Variants in IQGAP2 observed in about 807,000 individuals in gnomAD.
The protein encoded by IQGAP2 is ras GTPase-activating-like protein IQGAP2.
IQGAP2 carries 173 observed loss-of-function variants against 201.3 expected under a neutral mutation model. The observed-to-expected ratio is 0.86, with a 90% confidence interval of 0.76 to 0.98. The LOEUF (loss-of-function observed/expected upper bound fraction) is 0.98. IQGAP2 is among the 50% of genes least tolerant of loss of function. The pLI is 0.00. For synonymous variants in IQGAP2, 675 were observed against 673.9 expected, an observed-to-expected ratio of 1.00 and a Z score of -0.03; for missense variants, 1,687 against 1,864.8, an observed-to-expected ratio of 0.90 and a Z score of 1.76.
At chr5:76,427,084 G>C (rs574531874) in intron 1 of IQGAP2, among the ~76,000 whole-genome samples, 2 of 152,226 alleles carry the variant, frequency 1.3e-5, no homozygotes, top group African/African-American at 4.8e-5. Context: ...CTGATGTTTA[G>C]GACTGGACAA....
At position 76,502,836 on chromosome 5, in the gene IQGAP2, A is replaced by G. The variant is rs908273779; in HGVS notation, c.146+41167A>G. On this transcript the variant is annotated intron_variant, in intron 2 of 35. Coordinates refer to ENST00000274364, the MANE Select transcript of IQGAP2 (RefSeq NM_006633.5). ...CTGCAGCCTGGAATTCCTGGGCTCAAGTGATCCTCCCACCTCAGCCTCCCA... is the reference window on the plus strand; with the variant it reads ...CTGCAGCCTGGAATTCCTGGGCTCAGGTGATCCTCCCACCTCAGCCTCCCA... Among the ~76,000 whole-genome samples, 16 of 152,022 alleles carry G rather than the reference A, an allele frequency of 1.1e-4. 1 individual carries two copies. Among genetic ancestry groups the G allele is most frequent in the Admixed American group, 3.9e-4 (6 of 15,256 alleles).
chr5:76,562,290 C>T (rs1744430198), intron 2 of IQGAP2, 106 bp from the exon 3 acceptor site: 1 of 784,352 alleles, frequency 1.3e-6, no homozygotes, highest in Non-Finnish European at 2.0e-6. Context: ...TGTTTCAGAT[C>T]CTTCTTCCTT....
intron 2 of IQGAP2, among the ~76,000 whole-genome samples, chr5:76,533,289 A>T (rs1759423471): frequency 6.6e-6 from 1 of 152,064 alleles, no homozygotes; most frequent in Non-Finnish European, 1.5e-5. Flanking sequence ...TTGTTGGATG[A>T]TAGAGGGATG....
intron 30 of IQGAP2, among the ~76,000 whole-genome samples, chr5:76,689,243 A>AC (rs1436022607): frequency 6.0e-5 from 9 of 149,338 alleles, no homozygotes; most frequent in African/African-American, 1.9e-4. Context: ...AAAAAAAAAA[A>AC]AAAAAAAAAA....
At chr5:76,460,377 A>G (rs77048921) in intron 1 of IQGAP2, among the ~76,000 whole-genome samples, 6,787 of 152,256 alleles carry the variant, frequency 0.045, 191 homozygotes, top group South Asian at 0.12. Flanking sequence ...AGCTCTGGCT[A>G]AAGTGTGGGC....
chr5:76,416,823 G>A (rs1751433132), intron 1 of IQGAP2, among the ~76,000 whole-genome samples: 1 of 151,634 alleles, frequency 6.6e-6, no homozygotes, highest in Non-Finnish European at 1.5e-5. Flanking sequence ...AACACACCCG[G>A]CCTGAGCTCT....
chr5:76,676,245 T>TA (rs1744810931), intron 27 of IQGAP2, among the ~76,000 whole-genome samples: 1 of 152,244 alleles, frequency 6.6e-6, no homozygotes, highest in Non-Finnish European at 1.5e-5. Flanking sequence ...GAGCCTCTTC[T>TA]AAACTTGTCC....
intron 2 of IQGAP2, among the ~76,000 whole-genome samples, chr5:76,547,930 A>G (rs1339962151): frequency 1.3e-5 from 2 of 152,182 alleles, no homozygotes; most frequent in Non-Finnish European, 2.9e-5. Flanking sequence ...TGGATCTCAT[A>G]TGTTCAGATC....
At chr5:76,619,607 C>G (rs1201332547) in intron 13 of IQGAP2, among the ~76,000 whole-genome samples, 1 of 151,476 alleles carries the variant, frequency 6.6e-6, no homozygotes, top group East Asian at 1.9e-4. Flanking sequence ...ACCTCCGCCT[C>G]CCGGGTTCAC....
intron 5 of IQGAP2, among the ~76,000 whole-genome samples, chr5:76,577,189 T>G (rs1745527886): frequency 1.3e-5 from 2 of 150,666 alleles, no homozygotes; most frequent in Admixed American, 6.6e-5. Flanking sequence ...GGGACATTCA[T>G]GTTAAGGAGC....
intron 20 of IQGAP2, among the ~76,000 whole-genome samples, chr5:76,655,750 A>G (rs1377290858): frequency 1.3e-5 from 2 of 152,220 alleles, no homozygotes; most frequent in African/African-American, 4.8e-5. Flanking sequence ...AAAAATTTGT[A>G]GAAAGTTTGA....
At chr5:76,505,591 T>G (rs1561423163) in intron 2 of IQGAP2, among the ~76,000 whole-genome samples, 1 of 152,160 alleles carries the variant, frequency 6.6e-6, no homozygotes. Flanking sequence ...GTAACAAGCT[T>G]GGGGAGCTGT....
chr5:76,675,449 G>C (rs1225715712), intron 27 of IQGAP2, among the ~76,000 whole-genome samples: 1 of 152,282 alleles, frequency 6.6e-6, no homozygotes, highest in East Asian at 1.9e-4. Flanking sequence ...AATATGTTCT[G>C]TTCTATTCTC....
chr5:76,454,078 T>C (rs1753924309), intron 1 of IQGAP2, among the ~76,000 whole-genome samples: 1 of 152,078 alleles, frequency 6.6e-6, no homozygotes, highest in Non-Finnish European at 1.5e-5. Context: ...AGTAAGAGGT[T>C]TGGTTTCCAA....
chr5:76,608,312 A>G (rs1304957333), intron 12 of IQGAP2, among the ~76,000 whole-genome samples: 2 of 152,200 alleles, frequency 1.3e-5, no homozygotes, highest in Non-Finnish European at 2.9e-5. Context: ...GGTATTTCAG[A>G]CACTAATATT....
At chr5:76,463,165 A>G (rs2150127649) in intron 2 of IQGAP2, among the ~76,000 whole-genome samples, 1 of 151,768 alleles carries the variant, frequency 6.6e-6, no homozygotes, top group South Asian at 2.1e-4. Context: ...AAAGAAAAAG[A>G]AAAGAAAAAA....
At chr5:76,676,707 G>A (rs889865615) in intron 27 of IQGAP2, among the ~76,000 whole-genome samples, 12 of 152,136 alleles carry the variant, frequency 7.9e-5, no homozygotes, top group African/African-American at 2.7e-4. Context: ...GCAAATATTT[G>A]CAGCAACGAA....
At chr5:76,500,344 G>C (rs1026537318) in intron 2 of IQGAP2, among the ~76,000 whole-genome samples, 19 of 152,304 alleles carry the variant, frequency 1.2e-4, no homozygotes, top group Non-Finnish European at 8.8e-5. Context: ...GCTAGACTGT[G>C]TGGCTAAGCA....
At chr5:76,451,472 G>A (rs563173543) in intron 1 of IQGAP2, among the ~76,000 whole-genome samples, 55 of 152,034 alleles carry the variant, frequency 3.6e-4, no homozygotes, top group Admixed American at 9.2e-4. Flanking sequence ...TCACACCCAC[G>A]CTATCTCTTT....
Sources: allele counts gnomAD v4.1 joint callset (sites outside exome capture counted in the v4.1 genomes callset), GRCh38; gene constraint gnomAD v4.1.1; transcripts MANE v1.5; gene names NCBI Gene and HGNC (gene_info 2026-07-23, HGNC 2026-07-21).